The following SPTLC2 variants were observed in gnomAD, a reference collection of about 807,000 sequenced individuals.
SPTLC2 encodes serine palmitoyltransferase long chain base subunit 2.
Under a neutral mutation model 62.0 loss-of-function variants are expected in SPTLC2, and 21 were observed. The observed-to-expected ratio is 0.34, with a 90% confidence interval of 0.24 to 0.49. The LOEUF (loss-of-function observed/expected upper bound fraction) is 0.49, where lower values mean the gene tolerates loss of function less well. SPTLC2 is among the 20% of genes least tolerant of loss of function. The pLI is 0.99. For synonymous variants in SPTLC2, 261 were observed against 261.8 expected (o/e 1.00, Z 0.03); for missense variants, 511 against 713.0 (o/e 0.72, Z 3.23).
chr14:77,521,912 T>C (rs761771884), intron 9 of SPTLC2, among the ~76,000 whole-genome samples: 2 of 152,172 alleles, frequency 1.3e-5, no homozygotes, highest in African/African-American at 2.4e-5. Flanking sequence ...TATGATTATC[T>C]TCATATTATA....
chr14:77,614,113 G>A (rs1164233802), intron 1 of SPTLC2, among the ~76,000 whole-genome samples: 1 of 152,134 alleles, frequency 6.6e-6, no homozygotes, highest in Non-Finnish European at 1.5e-5. Flanking sequence ...TACAAAACAT[G>A]TCCCCAAAAG....
At chr14:77,561,446 C>T (rs1237779200) in intron 6 of SPTLC2, among the ~76,000 whole-genome samples, 1 of 151,916 alleles carries the variant, frequency 6.6e-6, no homozygotes, top group Non-Finnish European at 1.5e-5. Flanking sequence ...TCCGTCCCTA[C>T]TAAAAATACT....
intron 1 of SPTLC2, among the ~76,000 whole-genome samples, chr14:77,612,771 T>C (rs1226313421): frequency 2.0e-5 from 3 of 152,232 alleles, no homozygotes; most frequent in African/African-American, 7.2e-5. Flanking sequence ...ACTAACACTT[T>C]GTTCTTTCTA....
At chr14:77,612,793 ATTT>A (rs1210301993) in intron 1 of SPTLC2, among the ~76,000 whole-genome samples, 1 of 152,194 alleles carries the variant, frequency 6.6e-6, no homozygotes, top group Non-Finnish European at 1.5e-5. Context: ...TTTGCTTATT[ATTT>A]AACATAAGAA....
intron 10 of SPTLC2, among the ~76,000 whole-genome samples, chr14:77,520,350 T>C (rs1444522851): frequency 6.6e-6 from 1 of 152,244 alleles, no homozygotes. Context: ...TCATTCTCTT[T>C]GAATCACATT....
intron 9 of SPTLC2, among the ~76,000 whole-genome samples, chr14:77,533,389 T>A (rs1031038814): frequency 6.7e-6 from 1 of 149,662 alleles, no homozygotes; most frequent in Non-Finnish European, 1.5e-5. Flanking sequence ...TTTGTAGAAA[T>A]AATATGCTCT....
Position 77,570,222 on chromosome 14 carries a change from C to CA in SPTLC2, c.756+161dup, listed in dbSNP as rs35086251. Among the ~76,000 whole-genome samples, 26,955 of 111,144 alleles carry CA rather than the reference C, an allele frequency of 0.24. 3,007 individuals carry two copies. The highest frequency in any genetic ancestry group is 0.33 in the South Asian group (1,105 of 3,398). The allele number at this position is 111,144 out of a possible 152,430, so 72.9% of individuals were successfully genotyped here. A position where few individuals can be genotyped will look rare whatever the true frequency, so the allele number is the denominator to read the frequency against. Reference sequence around the variant, plus strand: ...TGGGCGAAAGAACAAGACTCCATCTCAAAAAAAAAAAAAAAAAAGAAAAAC... The same window carrying CA: ...TGGGCGAAAGAACAAGACTCCATCTCAAAAAAAAAAAAAAAAAAAGAAAAAC... On this transcript the variant is annotated intron_variant, in intron 5 of 11. Coordinates refer to ENST00000216484, the MANE Select transcript of SPTLC2 (RefSeq NM_004863.4).
chr14:77,569,497 T>C (rs967396554), intron 5 of SPTLC2, among the ~76,000 whole-genome samples: 2 of 152,004 alleles, frequency 1.3e-5, no homozygotes, highest in East Asian at 3.9e-4. Context: ...CAAAAGAAAC[T>C]TGGAGGATCA....
At chr14:77,528,200 T>G (rs1466271807) in intron 9 of SPTLC2, among the ~76,000 whole-genome samples, 1 of 152,156 alleles carries the variant, frequency 6.6e-6, no homozygotes, top group East Asian at 1.9e-4. Context: ...CTGAAAGAAT[T>G]TGAAATTGAA....
chr14:77,522,408 C>A (rs2079389111), intron 9 of SPTLC2, among the ~76,000 whole-genome samples: 1 of 152,152 alleles, frequency 6.6e-6, no homozygotes, highest in Non-Finnish European at 1.5e-5. Flanking sequence ...AGTGATCTAC[C>A]CACCTTGGCC....
intron 9 of SPTLC2, among the ~76,000 whole-genome samples, chr14:77,539,483 C>CTTTTTTT (rs71128638): frequency 2.1e-4 from 11 of 53,482 alleles, no homozygotes; most frequent in African/African-American, 6.0e-4. Flanking sequence ...TCTTAAGAGG[C>CTTTTTTT]TTTTTTTTTT....
intron 1 of SPTLC2, among the ~76,000 whole-genome samples, chr14:77,602,223 G>C (rs1211566854): frequency 6.6e-6 from 1 of 152,102 alleles, no homozygotes; most frequent in Non-Finnish European, 1.5e-5. Context: ...TTCCTTTCCA[G>C]AACTCCACAT....
At chr14:77,557,554 T>C (rs1340566734) in intron 6 of SPTLC2, among the ~76,000 whole-genome samples, 4 of 152,116 alleles carry the variant, frequency 2.6e-5, no homozygotes, top group African/African-American at 9.7e-5. Flanking sequence ...AGAGTGTGAA[T>C]AAACCATCAC....
intron 4 of SPTLC2, among the ~76,000 whole-genome samples, chr14:77,573,673 G>C (rs1170536295): frequency 6.6e-6 from 1 of 152,270 alleles, no homozygotes; most frequent in Admixed American, 6.5e-5. Flanking sequence ...CTGTTGCCCA[G>C]GTGGAGTGCA....
At chr14:77,570,293 G>T in intron 5 of SPTLC2, 91 bp downstream of exon 5, 1 of 1,488,842 alleles carries the variant, frequency 6.7e-7, no homozygotes, top group Non-Finnish European at 9.2e-7. Flanking sequence ...TTAGCCTAAA[G>T]TTTATAACAG....
At chr14:77,594,501 C>T (rs1566790430) in intron 2 of SPTLC2, among the ~76,000 whole-genome samples, 1 of 152,222 alleles carries the variant, frequency 6.6e-6, no homozygotes, top group Non-Finnish European at 1.5e-5. Context: ...TGGCTCACTC[C>T]TATAATCCCA....
At chr14:77,528,342 C>T (rs1427550099) in intron 9 of SPTLC2, among the ~76,000 whole-genome samples, 2 of 152,142 alleles carry the variant, frequency 1.3e-5, no homozygotes, top group African/African-American at 4.8e-5. Context: ...GGCAATTCTC[C>T]TGACTCAGCC....
At chr14:77,613,766 T>C (rs1001694650) in intron 1 of SPTLC2, among the ~76,000 whole-genome samples, 1 of 152,208 alleles carries the variant, frequency 6.6e-6, no homozygotes, top group East Asian at 1.9e-4. Context: ...GTATTTTTGA[T>C]GGCACAGTTG....
intron 6 of SPTLC2, 98 bp from the exon 7 acceptor site, chr14:77,557,244 T>G (rs2079589474): frequency 5.1e-5 from 55 of 1,088,054 alleles, no homozygotes; most frequent in Non-Finnish European, 7.0e-5. Context: ...AAACCATGCC[T>G]CAGATAGCAA....
Sources: allele counts gnomAD v4.1 joint callset (sites outside exome capture counted in the v4.1 genomes callset), GRCh38; gene constraint gnomAD v4.1.1; transcripts MANE v1.5; gene names NCBI Gene and HGNC (gene_info 2026-07-23, HGNC 2026-07-21).